Variants in RBFOX1 observed in about 807,000 individuals in gnomAD.
RBFOX1 encodes RNA binding protein fox-1 homolog 1.
In RBFOX1, 8 loss-of-function variants were observed where a neutral mutation model predicts 57.7. The observed-to-expected ratio is 0.14, with a 90% confidence interval of 0.08 to 0.25. The LOEUF is 0.25. Ranked by LOEUF, RBFOX1 falls within the 10% of genes least tolerant of loss-of-function variation. The pLI, the probability that RBFOX1 is intolerant of heterozygous loss-of-function variation, is 1.00. For synonymous variants in RBFOX1, 326 were observed against 222.4 expected, an observed-to-expected ratio of 1.47 and a Z score of -4.15; for missense variants, 611 against 548.5, an observed-to-expected ratio of 1.11 and a Z score of -1.14.
intron 2 of RBFOX1, among the ~76,000 whole-genome samples, chr16:5,596,375 G>C (rs541684282): frequency 6.6e-6 from 1 of 152,146 alleles, no homozygotes; most frequent in East Asian, 1.9e-4. Flanking sequence ...TGGTTGCTAC[G>C]AAGCCAATAC....
Position 6,962,967 on chromosome 16 carries a change from T to A in RBFOX1, c.-15-89090T>A, listed in dbSNP as rs116567690. Among the ~76,000 whole-genome samples, 852 of 152,260 alleles carry A rather than the reference T, an allele frequency of 5.6e-3. 8 individuals are homozygous for A. The highest frequency in any genetic ancestry group is 0.019 in the African/African-American group (796 of 41,556). ...ATCTTGCTTTGATCGCTCAGCAGTT[T>A]GCATGGCAAAGGAGAAAAAGAATGC... On this transcript the variant is annotated intron_variant, in intron 3 of 15. Coordinates refer to ENST00000550418, the MANE Select transcript of RBFOX1 (RefSeq NM_018723.4).
chr16:5,492,466 G>C (rs1045639780), intron 2 of RBFOX1, among the ~76,000 whole-genome samples: 1 of 152,208 alleles, frequency 6.6e-6, no homozygotes, highest in Non-Finnish European at 1.5e-5. Flanking sequence ...AATAAAAGCA[G>C]AATACAGGAT....
intron 1 of RBFOX1, among the ~76,000 whole-genome samples, chr16:6,150,128 A>G (rs1375303633): frequency 6.6e-6 from 1 of 152,140 alleles, no homozygotes; most frequent in African/African-American, 2.4e-5. Context: ...AAATTATGTG[A>G]TGTTAGCAGC....
At chr16:7,631,396 C>T (rs2060931207) in intron 11 of RBFOX1, among the ~76,000 whole-genome samples, 2 of 152,174 alleles carry the variant, frequency 1.3e-5, no homozygotes, top group Admixed American at 1.3e-4. Context: ...CGGATGGATG[C>T]TCTGGGTTCA....
intron 3 of RBFOX1, among the ~76,000 whole-genome samples, chr16:6,664,280 A>T (rs539679361): frequency 6.6e-6 from 1 of 152,270 alleles, no homozygotes; most frequent in East Asian, 1.9e-4. Context: ...AAAACTGTCA[A>T]TCATCTTCAG....
intron 4 of RBFOX1, among the ~76,000 whole-genome samples, chr16:5,929,299 C>A (rs1350214935): frequency 6.6e-6 from 1 of 152,150 alleles, no homozygotes; most frequent in East Asian, 1.9e-4. Flanking sequence ...GGCTCACCTT[C>A]AAGTTCAGTC....
chr16:5,752,875 A>G (rs1246761668), intron 3 of RBFOX1, among the ~76,000 whole-genome samples: 4 of 152,312 alleles, frequency 2.6e-5, no homozygotes, highest in Admixed American at 2.0e-4. Context: ...TTCACCCAGA[A>G]CATTGTACAA....
intron 3 of RBFOX1, among the ~76,000 whole-genome samples, chr16:6,864,547 CT>C (rs556959548): frequency 0.11 from 16,019 of 139,382 alleles, 957 homozygotes; most frequent in African/African-American, 0.17. Context: ...TCTCCTTCCT[CT>C]TTTTTTTTTT....
At chr16:6,282,938 G>A (rs1027464890) in intron 1 of RBFOX1, among the ~76,000 whole-genome samples, 1 of 152,194 alleles carries the variant, frequency 6.6e-6, no homozygotes, top group Non-Finnish European at 1.5e-5. Flanking sequence ...TCATAGTTAA[G>A]AGAACCCTCA....
At chr16:6,375,746 G>A (rs1320706942) in intron 2 of RBFOX1, among the ~76,000 whole-genome samples, 1 of 152,072 alleles carries the variant, frequency 6.6e-6, no homozygotes, top group African/African-American at 2.4e-5. Context: ...CTGACGGAGC[G>A]AGAATGAGTA....
At chr16:6,347,206 A>G (rs941543039) in intron 2 of RBFOX1, among the ~76,000 whole-genome samples, 1 of 152,158 alleles carries the variant, frequency 6.6e-6, no homozygotes, top group Non-Finnish European at 1.5e-5. Context: ...GTTTCCTGGA[A>G]TAGTAAAGTG....
intron 3 of RBFOX1, among the ~76,000 whole-genome samples, chr16:5,849,172 C>G (rs924615260): frequency 6.6e-6 from 1 of 151,968 alleles, no homozygotes; most frequent in Non-Finnish European, 1.5e-5. Flanking sequence ...CATATTTCTT[C>G]TTTTTTCATG....
At position 7,268,211 on chromosome 16, in the gene RBFOX1, G is replaced by T. The variant is rs182696206; in HGVS notation, c.27+216113G>T. Among the ~76,000 whole-genome samples, 5 of 152,328 alleles carry T rather than the reference G, an allele frequency of 3.3e-5. No individual in the cohort carries two copies. The East Asian group carries it at 5.8e-4, about 18-fold the overall frequency. ...TAACGTCTTATGGGACTGCTGTCCT[G>T]TAGGCAGCCTGTAGTTACTGAACTG... On this transcript the variant is annotated intron_variant, in intron 4 of 15. Coordinates refer to ENST00000550418, the MANE Select transcript of RBFOX1 (RefSeq NM_018723.4).
chr16:6,991,134 TC>T (rs1396469679), intron 3 of RBFOX1, among the ~76,000 whole-genome samples: 25 of 26,232 alleles, frequency 9.5e-4, no homozygotes, highest in Non-Finnish European at 1.4e-3. Context: ...AAATTGTCTC[TC>T]CAAAAAAAAA....
At chr16:7,427,293 G>A (rs112520459) in intron 4 of RBFOX1, among the ~76,000 whole-genome samples, 3 of 152,142 alleles carry the variant, frequency 2.0e-5, no homozygotes, top group Admixed American at 6.5e-5. Context: ...ATAAAACCTC[G>A]AGTTTCTGAT....
intron 3 of RBFOX1, among the ~76,000 whole-genome samples, chr16:6,859,906 T>C (rs1435048758): frequency 3.3e-5 from 5 of 152,196 alleles, no homozygotes; most frequent in Non-Finnish European, 7.3e-5. Context: ...AGAAGTGTTA[T>C]TGATGAGGGC....
chr16:5,255,869 C>G (rs575926106), intron 1 of RBFOX1, among the ~76,000 whole-genome samples: 44 of 152,128 alleles, frequency 2.9e-4, no homozygotes, highest in African/African-American at 9.9e-4. Flanking sequence ...TGCCTCCTAG[C>G]TAGCTGCTTG....
intron 3 of RBFOX1, among the ~76,000 whole-genome samples, chr16:5,678,868 A>T (rs1000911167): frequency 3.9e-5 from 6 of 152,200 alleles, no homozygotes; most frequent in Non-Finnish European, 8.8e-5. Context: ...TCTTATTTGT[A>T]GACCCAGCTC....
intron 2 of RBFOX1, among the ~76,000 whole-genome samples, chr16:5,492,021 C>T (rs971464841): frequency 6.6e-6 from 1 of 152,100 alleles, no homozygotes; most frequent in East Asian, 1.9e-4. Flanking sequence ...GAGTGTGGGC[C>T]CCAGACCAGC....
Sources: gnomAD v4.1 joint callset for allele counts (sites outside exome capture counted in the v4.1 genomes callset) on GRCh38, gnomAD v4.1.1 for gene constraint, MANE v1.5 for transcripts, NCBI Gene and HGNC (gene_info 2026-07-23, HGNC 2026-07-21) for gene names.